Variants in PDE8B observed in about 807,000 individuals in gnomAD.
PDE8B encodes phosphodiesterase 8B, also known as high affinity cAMP-specific and IBMX-insensitive 3',5'-cyclic phosphodiesterase 8B.
In PDE8B, 26 loss-of-function variants were observed where a neutral mutation model predicts 101.3. That is an observed-to-expected ratio of 0.26 (90% CI 0.19 to 0.36). The LOEUF is 0.36. Among genes scored for constraint, PDE8B ranks in the 10% least tolerant of loss-of-function variants. The pLI, the probability that PDE8B is intolerant of heterozygous loss-of-function variation, is 1.00. For synonymous variants in PDE8B, 424 were observed against 429.3 expected (o/e 0.99, Z 0.15); for missense variants, 810 against 1,163.1 (o/e 0.70, Z 4.42).
At chr5:77,401,586 T>C (rs756223150) in intron 11 of PDE8B, among the ~76,000 whole-genome samples, 11 of 152,212 alleles carry the variant, frequency 7.2e-5, no homozygotes, top group Non-Finnish European at 1.6e-4. Flanking sequence ...TTGAGAATTG[T>C]TGTAATGATT....
chr5:77,151,876 A>G, the PDE8B span: 2 of 152,212 alleles, frequency 1.3e-5, no homozygotes, highest in African/African-American at 4.8e-5. Context: ...TTTCATGTAA[A>G]AATTCTGTTT....
intron 1 of PDE8B, among the ~76,000 whole-genome samples, chr5:77,238,380 G>C (rs1329106413): frequency 1.3e-5 from 2 of 151,870 alleles, no homozygotes; most frequent in African/African-American, 4.8e-5. Flanking sequence ...TTTTATTTTG[G>C]TTATTCTATC....
At chr5:77,383,217 T>A (rs1178824758) in intron 10 of PDE8B, among the ~76,000 whole-genome samples, 3 of 152,266 alleles carry the variant, frequency 2.0e-5, no homozygotes, top group African/African-American at 7.2e-5. Context: ...CATATGTTTG[T>A]TGGCTGCATA....
At chr5:77,154,836 T>A in the PDE8B span, among the ~76,000 whole-genome samples, 58 of 152,202 alleles carry the variant, frequency 3.8e-4, no homozygotes. Context: ...ACAGAAACAT[T>A]CAGTAAAAAT....
intron 1 of PDE8B, among the ~76,000 whole-genome samples, chr5:77,282,600 T>C (rs1765226184): frequency 3.3e-5 from 5 of 152,022 alleles, no homozygotes; most frequent in Admixed American, 1.3e-4. Context: ...TGGTACCCTC[T>C]AGAGCCTCCT....
At position 77,313,111 on chromosome 5, in the gene PDE8B, G is replaced by A. The variant is rs149630734; in HGVS notation, c.399+1058G>A. 4.6e-3 allele frequency among the ~76,000 whole-genome samples: 695 copies of A among 152,270 alleles called. 6 individuals are homozygous for A. The highest frequency in any genetic ancestry group is 0.016 in the African/African-American group (649 of 41,552). On this transcript the variant is annotated intron_variant, in intron 2 of 21. Coordinates refer to ENST00000264917, the MANE Select transcript of PDE8B (RefSeq NM_003719.5). ...TCCTTGTAAAAACTGTAGCTTATTA[G>A]CACCTGGAATCTTGCCCTGTACTTG...
At chr5:77,168,537 G>A in the PDE8B span, among the ~76,000 whole-genome samples, 1 of 152,258 alleles carries the variant, frequency 6.6e-6, no homozygotes, top group Admixed American at 6.5e-5. Flanking sequence ...GCAGATTCAG[G>A]AGCAGAGCTG....
the PDE8B span, among the ~76,000 whole-genome samples, chr5:77,115,771 C>CA: frequency 1.3e-5 from 2 of 152,134 alleles, no homozygotes; most frequent in African/African-American, 2.4e-5. Flanking sequence ...CATTTGAAAG[C>CA]AAAACAAGAC....
At chr5:77,270,085 T>C (rs1454935936) in intron 1 of PDE8B, among the ~76,000 whole-genome samples, 2 of 152,234 alleles carry the variant, frequency 1.3e-5, no homozygotes, top group Non-Finnish European at 2.9e-5. Context: ...TTAACAGTAT[T>C]AATTCTTATA....
the PDE8B span, chr5:77,152,278 C>G: frequency 6.6e-6 from 1 of 152,166 alleles, no homozygotes; most frequent in Non-Finnish European, 1.5e-5. Context: ...CAGCCAGGAC[C>G]CAGGTTCTAG....
chr5:77,146,986 A>G, the PDE8B span: 41 of 471,106 alleles, frequency 8.7e-5, no homozygotes, highest in Non-Finnish European at 1.6e-4. Flanking sequence ...ACTGCCTCAG[A>G]TGATAAGCAG....
At chr5:77,126,421 T>G in the PDE8B span, among the ~76,000 whole-genome samples, 1 of 152,218 alleles carries the variant, frequency 6.6e-6, no homozygotes, top group Admixed American at 6.5e-5. Context: ...CTATCTGTGT[T>G]TCCTACAAAC....
At chr5:77,258,152 G>T (rs1006275628) in intron 1 of PDE8B, among the ~76,000 whole-genome samples, 5 of 152,022 alleles carry the variant, frequency 3.3e-5, no homozygotes, top group African/African-American at 1.2e-4. Context: ...AGCTGGGCAT[G>T]GTGGCAGGTA....
Position 77,408,943 on chromosome 5 carries a change from G to T in PDE8B, c.1416G>T (p.Ala472=), listed in dbSNP as rs182775622. The T allele has an allele frequency of 9.9e-6, 16 of 1,613,294 alleles. No homozygotes were observed. Among genetic ancestry groups the T allele is most frequent in the Non-Finnish European group, 1.4e-5 (16 of 1,179,270 alleles). The change falls in exon 14 of 22, where the codon GCG becomes GCT. Residue 472 remains alanine (A), a synonymous_variant. Transcript: ENST00000264917. The stretch of plus-strand genomic sequence containing the variant: ...AAGAAAACAGCCCAGTCACAGTAGC[G>T]GAAGCCTTGGACAGAGTTCTAGAGA... ...AAQENSPVTV[A]EALDRVLEIL...
At chr5:77,221,093 T>A (rs931789836) in intron 1 of PDE8B, among the ~76,000 whole-genome samples, 2 of 152,248 alleles carry the variant, frequency 1.3e-5, no homozygotes, top group African/African-American at 2.4e-5. Flanking sequence ...GAACTGTTTT[T>A]AAAAATAAAT....
intron 1 of PDE8B, among the ~76,000 whole-genome samples, chr5:77,244,615 C>T (rs1408628091): frequency 3.3e-5 from 5 of 152,176 alleles, no homozygotes; most frequent in Admixed American, 6.5e-5. Flanking sequence ...ATATAGTTCT[C>T]ACTTTATACT....
chr5:77,345,035 C>T (rs1779899651), intron 7 of PDE8B, 104 bp downstream of exon 7: 1 of 784,742 alleles, frequency 1.3e-6, no homozygotes, highest in African/African-American at 1.7e-5. Flanking sequence ...TGTATCAGCA[C>T]ATTTTCTTAG....
At chr5:77,375,913 G>A (rs7732150) in intron 10 of PDE8B, among the ~76,000 whole-genome samples, 105,717 of 129,074 alleles carry the variant, frequency 0.82, 43,508 homozygotes, top group African/African-American at 0.93. Context: ...TTTTTTTGAG[G>A]CGGAGTTTTG....
the PDE8B span, chr5:77,100,220 G>GT: frequency 6.6e-6 from 1 of 152,172 alleles, no homozygotes; most frequent in African/African-American, 2.4e-5. Context: ...GCCATCTCAC[G>GT]TTTTTCCTCT....
Sources: gnomAD v4.1 joint callset for allele counts (sites outside exome capture counted in the v4.1 genomes callset) on GRCh38, gnomAD v4.1.1 for gene constraint, MANE v1.5 for transcripts, NCBI Gene and HGNC (gene_info 2026-07-23, HGNC 2026-07-21) for gene names.